PTPRT: variants seen among roughly 807,000 people sequenced by gnomAD.
PTPRT encodes the protein receptor-type tyrosine-protein phosphatase T.
In PTPRT, 56 loss-of-function variants were observed where a neutral mutation model predicts 176.8. The observed-to-expected ratio is 0.32, with a 90% confidence interval of 0.26 to 0.40. PTPRT has a LOEUF of 0.40. Among genes scored for constraint, PTPRT ranks in the 10% least tolerant of loss-of-function variants. The pLI, the probability that PTPRT is intolerant of heterozygous loss-of-function variation, is 1.00. For synonymous variants in PTPRT, 783 were observed against 739.0 expected (o/e 1.06, Z -0.96); for missense variants, 1,540 against 1,908.2 (o/e 0.81, Z 3.60).
In PTPRT at chr20:42,375,198, G is replaced by A. The variant is rs368215835; in HGVS notation, c.1561-22913C>T. On this transcript the variant is annotated intron_variant, in intron 9 of 30. Coordinates refer to ENST00000373187, the MANE Select transcript of PTPRT (RefSeq NM_007050.6). Reference sequence around the variant, plus strand: ...TTTCTTAATGGAAGGGGACAGTCATGTCTGTGTTATATCCAACAATCCTTT... The same window carrying A: ...TTTCTTAATGGAAGGGGACAGTCATATCTGTGTTATATCCAACAATCCTTT... Among the ~76,000 whole-genome samples, 9 of 152,316 alleles carry A rather than the reference G, an allele frequency of 5.9e-5. No homozygotes were observed. In the South Asian group the frequency reaches 1.7e-3, roughly 28 times the overall value.
chr20:42,505,010 G>A (rs1194667193), intron 7 of PTPRT, among the ~76,000 whole-genome samples: 2 of 151,980 alleles, frequency 1.3e-5, no homozygotes, highest in African/African-American at 2.4e-5. Flanking sequence ...GCATACCTAC[G>A]ATATACTATT....
At chr20:42,760,889 C>T (rs983016131) in intron 5 of PTPRT, among the ~76,000 whole-genome samples, 2 of 152,172 alleles carry the variant, frequency 1.3e-5, no homozygotes, top group South Asian at 4.1e-4. Flanking sequence ...CATTATTTTA[C>T]AAAACAGAAA....
intron 1 of PTPRT, among the ~76,000 whole-genome samples, chr20:43,084,732 T>G (rs1040781490): frequency 6.6e-6 from 1 of 151,976 alleles, no homozygotes; most frequent in Non-Finnish European, 1.5e-5. Flanking sequence ...CAGAAAAAAA[T>G]AAGCATGTAG....
At chr20:42,557,835 C>T (rs575490254) in intron 7 of PTPRT, among the ~76,000 whole-genome samples, 1 of 152,316 alleles carries the variant, frequency 6.6e-6, no homozygotes, top group South Asian at 2.1e-4. Flanking sequence ...TGTTGAAATT[C>T]TCAGGAAGGC....
chr20:42,090,377 C>A (rs1190517913), intron 27 of PTPRT, among the ~76,000 whole-genome samples: 1 of 150,880 alleles, frequency 6.6e-6, no homozygotes, highest in Non-Finnish European at 1.5e-5. Context: ...TGGGATACTG[C>A]ATGTCAAAAT....
chr20:42,776,046 T>C lies in PTPRT; in HGVS notation c.568+4172A>G, dbSNP rs35930965. On this transcript the variant is annotated intron_variant, in intron 4 of 30. Transcript: ENST00000373187. ...CAGTCCCTGGGGCCCACAGGGCCCC[T>C]CACCAGGCAGCCTGCTCAGTTCTTC... Among the ~76,000 whole-genome samples, 1,031 of 152,250 alleles carry C rather than the reference T, an allele frequency of 6.8e-3. 8 individuals are homozygous for C. Among genetic ancestry groups the C allele is most frequent in the Middle Eastern group, 0.014 (4 of 294 alleles).
intron 26 of PTPRT, among the ~76,000 whole-genome samples, chr20:42,101,306 T>C (rs753867809): frequency 6.6e-6 from 1 of 152,226 alleles, no homozygotes; most frequent in Non-Finnish European, 1.5e-5. Flanking sequence ...TGGGTGACCT[T>C]GAGCAAGTCT....
intron 16 of PTPRT, among the ~76,000 whole-genome samples, chr20:42,162,417 C>T (rs1989642694): frequency 1.3e-5 from 2 of 152,190 alleles, no homozygotes; most frequent in Non-Finnish European, 2.9e-5. Flanking sequence ...ACCCTGAAAA[C>T]TGATGCCTGG....
Position 42,076,752 on chromosome 20 carries a change from CAT to C in PTPRT, c.*4125_*4126del, listed in dbSNP as rs1291644057. ...AGAGCACATTTTTTTTTGAAATATTCATAGAGTCATATTAAAACCAACAAGGC... is the reference window on the plus strand; with the variant it reads ...AGAGCACATTTTTTTTTGAAATATTCAGAGTCATATTAAAACCAACAAGGC... On this transcript the variant is annotated 3_prime_UTR_variant, in exon 31 of 31. Transcript: ENST00000373187. 1 of 201,568 alleles carries C rather than the reference CAT, an allele frequency of 5.0e-6. No homozygotes were observed. Among genetic ancestry groups the C allele is most frequent in the South Asian group, 1.9e-4 (1 of 5,214 alleles). The allele number at this position is 201,568 out of a possible 1,614,324, so 12.5% of individuals were successfully genotyped here.
At position 43,188,869 on chromosome 20, in the gene PTPRT, AC is replaced by A. The variant is rs1183498890; in HGVS notation, c.88+776del. ...TGCCTTTAGGAGCACGGCAGGCACC[AC>A]CCCCCCGCCCCCGCTCCCCCTACTC... On this transcript the variant is annotated intron_variant, in intron 1 of 30. Transcript: ENST00000373187. Among the ~76,000 whole-genome samples, 4 of 119,998 alleles carry A rather than the reference AC, an allele frequency of 3.3e-5. No individual in the cohort carries two copies. In the East Asian group the frequency reaches 7.6e-4, roughly 23 times the overall value. 78.7% of individuals were successfully genotyped at this position (119,998 alleles called of 152,430 possible). A position where few individuals can be genotyped will look rare whatever the true frequency, so the allele number is the denominator to read the frequency against.
chr20:42,937,843 T>C (rs1980292242), intron 1 of PTPRT, among the ~76,000 whole-genome samples: 1 of 152,200 alleles, frequency 6.6e-6, no homozygotes, highest in African/African-American at 2.4e-5. Flanking sequence ...ATGGGAAAAC[T>C]CTTGGAAAAT....
intron 8 of PTPRT, among the ~76,000 whole-genome samples, chr20:42,452,742 C>T (rs2145866143): frequency 6.6e-6 from 1 of 152,324 alleles, no homozygotes; most frequent in Middle Eastern, 3.4e-3. Context: ...TTCTCTTTCT[C>T]ACACCAGATC....
chr20:42,747,375 A>G (rs1054177496), intron 6 of PTPRT, among the ~76,000 whole-genome samples: 2 of 152,224 alleles, frequency 1.3e-5, no homozygotes, highest in African/African-American at 4.8e-5. Flanking sequence ...CTAGCAGGAA[A>G]TAAGGCTTAC....
At chr20:43,013,025 C>A (rs941565245) in intron 1 of PTPRT, among the ~76,000 whole-genome samples, 1 of 152,038 alleles carries the variant, frequency 6.6e-6, no homozygotes, top group African/African-American at 2.4e-5. Context: ...CAGTGTTCCT[C>A]AACCTTGTTT....
At chr20:42,844,152 A>T (rs1367912672) in intron 2 of PTPRT, among the ~76,000 whole-genome samples, 1 of 152,246 alleles carries the variant, frequency 6.6e-6, no homozygotes, top group Non-Finnish European at 1.5e-5. Flanking sequence ...GGCACTTTCC[A>T]TTCATTATTT....
At chr20:43,018,387 C>T (rs1985475484) in intron 1 of PTPRT, among the ~76,000 whole-genome samples, 1 of 151,960 alleles carries the variant, frequency 6.6e-6, no homozygotes, top group Non-Finnish European at 1.5e-5. Flanking sequence ...TAATTAAATG[C>T]AAAAAGAAAA....
intron 7 of PTPRT, among the ~76,000 whole-genome samples, chr20:42,657,403 A>G (rs2206426): frequency 0.49 from 74,526 of 152,000 alleles, 19,895 homozygotes; most frequent in Admixed American, 0.59. Flanking sequence ...TGAGGGCATC[A>G]CAACTTCCTT....
At chr20:43,050,490 G>A (rs78433518) in intron 1 of PTPRT, among the ~76,000 whole-genome samples, 1,753 of 152,246 alleles carry the variant, frequency 0.012, 48 homozygotes, top group African/African-American at 0.04. Flanking sequence ...CTCATACGGC[G>A]TCTCTGCTCA....
intron 13 of PTPRT, among the ~76,000 whole-genome samples, chr20:42,262,589 T>C (rs2056768269): frequency 1.3e-5 from 2 of 152,052 alleles, no homozygotes; most frequent in Admixed American, 1.3e-4. Context: ...TGGTAGATGG[T>C]GAGTAGAGTG....
Sources: gnomAD v4.1 joint callset for allele counts (sites outside exome capture counted in the v4.1 genomes callset) on GRCh38, gnomAD v4.1.1 for gene constraint, MANE v1.5 for transcripts, NCBI Gene and HGNC (gene_info 2026-07-23, HGNC 2026-07-21) for gene names.